The following PRTG variants were observed in gnomAD, a reference collection of about 807,000 sequenced individuals.
PRTG encodes immunoglobulin superfamily, DCC subclass, member 5.
A neutral mutation model predicts 122.5 loss-of-function variants in PRTG; 67 were observed. That is an observed-to-expected ratio of 0.55 (90% CI 0.45 to 0.67). The LOEUF (loss-of-function observed/expected upper bound fraction) is 0.67. Ranked by LOEUF, PRTG falls within the 30% of genes least tolerant of loss-of-function variation. The pLI, the probability that PRTG is intolerant of heterozygous loss-of-function variation, is 0.00. For synonymous variants in PRTG, 554 were observed against 501.1 expected, an observed-to-expected ratio of 1.11 and a Z score of -1.41; for missense variants, 1,435 against 1,415.4, an observed-to-expected ratio of 1.01 and a Z score of -0.22.
intron 2 of PRTG, among the ~76,000 whole-genome samples, chr15:55,735,057 G>A (rs1314047921): frequency 6.6e-6 from 1 of 152,100 alleles, no homozygotes; most frequent in African/African-American, 2.4e-5. Flanking sequence ...AGATTAAAAT[G>A]ATGATTTTTT....
intron 2 of PRTG, among the ~76,000 whole-genome samples, chr15:55,720,874 G>C (rs918570849): frequency 6.6e-6 from 1 of 152,122 alleles, no homozygotes; most frequent in Non-Finnish European, 1.5e-5. Flanking sequence ...AGGCTGTCCT[G>C]GGCTGCATGC....
chr15:55,713,901 A>T (rs2030495567), intron 2 of PRTG, among the ~76,000 whole-genome samples: 1 of 152,110 alleles, frequency 6.6e-6, no homozygotes, highest in African/African-American at 2.4e-5. Context: ...AAGTTTAAAA[A>T]TTTGTTTTAA....
chr15:55,740,243 G>T, intron 2 of PRTG, 139 bp downstream of exon 2: 1 of 712,970 alleles, frequency 1.4e-6, no homozygotes, highest in Non-Finnish European at 2.2e-6. Context: ...TTCTCTATAT[G>T]CCTCAGTTAG....
chr15:55,698,231 C>G (rs1270772268), intron 2 of PRTG, among the ~76,000 whole-genome samples: 1 of 152,200 alleles, frequency 6.6e-6, no homozygotes, highest in Non-Finnish European at 1.5e-5. Context: ...GCATCTAGAT[C>G]TCAGGCCAAG....
intron 2 of PRTG, among the ~76,000 whole-genome samples, chr15:55,723,381 C>T (rs2030900694): frequency 7.4e-6 from 1 of 134,750 alleles, no homozygotes; most frequent in Non-Finnish European, 1.6e-5. Flanking sequence ...TAAGGGAAGA[C>T]TATAATGATC....
intron 2 of PRTG, among the ~76,000 whole-genome samples, chr15:55,692,943 C>G (rs560892882): frequency 6.9e-6 from 1 of 145,052 alleles, no homozygotes; most frequent in Admixed American, 7.4e-5. Flanking sequence ...CGGGTTCAAG[C>G]AATTCTCCTG....
chr15:55,709,636 T>C (rs373359895), intron 2 of PRTG, among the ~76,000 whole-genome samples: 6 of 152,166 alleles, frequency 3.9e-5, no homozygotes, highest in Non-Finnish European at 7.3e-5. Context: ...ACAGCCCTAA[T>C]GTAAATTAAC....
chr15:55,641,306 T>G, intron 11 of PRTG, 98 bp from the exon 12 acceptor site: 1 of 758,714 alleles, frequency 1.3e-6, no homozygotes, highest in Non-Finnish European at 2.2e-6. Context: ...AAAAACCTGC[T>G]GAATGCATAA....
intron 11 of PRTG, among the ~76,000 whole-genome samples, chr15:55,667,891 G>A (rs2059447670): frequency 6.6e-6 from 1 of 152,122 alleles, no homozygotes; most frequent in Non-Finnish European, 1.5e-5. Flanking sequence ...TTCAAGACCA[G>A]CCTGGGCAAC....
In PRTG at chr15:55,677,968, T is replaced by G. The variant is rs756293136; in HGVS notation, c.1210A>C (p.Ile404Leu). Residue 404 changes from isoleucine to leucine, a missense_variant, in exon 8 of 20, where the codon ATT becomes CTT. Ile to Leu is a conservative substitution (Grantham distance 5, BLOSUM62 2). Coordinates refer to ENST00000389286, the MANE Select transcript of PRTG (RefSeq NM_173814.6). ...ACAGTCAGTCTGGCTCTAGATAAAATAGATCCTTGGCTATTCTCAGCCATG... is the reference window on the plus strand; with the variant it reads ...ACAGTCAGTCTGGCTCTAGATAAAAGAGATCCTTGGCTATTCTCAGCCATG... ...QCMAENSQGS[I>L]LSRARLTVVM... The G allele has an allele frequency of 6.2e-7, 1 of 1,612,900 alleles. No individual in the cohort carries two copies. The highest frequency in any genetic ancestry group is 1.7e-5 in the Admixed American group (1 of 59,984).
intron 2 of PRTG, among the ~76,000 whole-genome samples, chr15:55,733,233 G>A (rs1445937789): frequency 6.6e-6 from 1 of 151,944 alleles, no homozygotes; most frequent in African/African-American, 2.4e-5. Context: ...GAGGCCAGGC[G>A]TGGTGGCTCA....
In PRTG at chr15:55,672,520, T is replaced by C. The variant is rs1410900355; in HGVS notation, c.1966A>G (p.Lys656Glu). 2 of 1,614,114 alleles carry C rather than the reference T, an allele frequency of 1.2e-6. No individual in the cohort carries two copies. The highest frequency in any genetic ancestry group is 1.7e-6 in the Non-Finnish European group (2 of 1,179,990). The change falls in exon 11 of 20, where the codon AAG (lysine) becomes GAG (glutamate). Residue 656 changes from lysine to glutamate, a missense_variant. Lys to Glu is a moderately conservative substitution (Grantham distance 56). Transcript: ENST00000389286. ...AAIQGYKLYY[K>E]EEGQQENGPI... The stretch of plus-strand genomic sequence containing the variant: ...CCATTCTCCTGCTGCCCTTCTTCCT[T>C]GTAGTACAGCTTGTAGCCCTGAATA...
chr15:55,691,931 G>A (rs2059605053), intron 2 of PRTG, among the ~76,000 whole-genome samples: 1 of 151,988 alleles, frequency 6.6e-6, no homozygotes, highest in Non-Finnish European at 1.5e-5. Flanking sequence ...CAGCTACTCA[G>A]GCAGCTGAGG....
chr15:55,654,777 A>C (rs1483021734), intron 11 of PRTG, among the ~76,000 whole-genome samples: 2 of 152,204 alleles, frequency 1.3e-5, no homozygotes, highest in African/African-American at 4.8e-5. Flanking sequence ...GCTATGAAAT[A>C]AATTTCCTCC....
chr15:55,642,477 C>G (rs1396791714), intron 11 of PRTG, among the ~76,000 whole-genome samples: 1 of 151,418 alleles, frequency 6.6e-6, no homozygotes, highest in Non-Finnish European at 1.5e-5. Flanking sequence ...ATTAGCCGGA[C>G]GTGATGGCAC....
chr15:55,619,737 C>T lies in PRTG; in HGVS notation c.*275G>A, dbSNP rs1036264961. Reference sequence around the variant, plus strand: ...ATTACACAAGTTTAAAAATAAAAAACAAAACACATTCAAAAAAAGCTAAAA... The same window carrying T: ...ATTACACAAGTTTAAAAATAAAAAATAAAACACATTCAAAAAAAGCTAAAA... On this transcript the variant is annotated 3_prime_UTR_variant, in exon 20 of 20. Coordinates refer to ENST00000389286, the MANE Select transcript of PRTG (RefSeq NM_173814.6). The T allele has an allele frequency of 2.0e-5, 8 of 399,596 alleles. No individual in the cohort carries two copies. Among genetic ancestry groups the T allele is most frequent in the Non-Finnish European group, 3.5e-5 (8 of 228,274 alleles). 24.8% of individuals were successfully genotyped at this position (399,596 alleles called of 1,614,324 possible).
At chr15:55,644,574 G>A (rs1197592035) in intron 11 of PRTG, among the ~76,000 whole-genome samples, 1 of 152,084 alleles carries the variant, frequency 6.6e-6, no homozygotes, top group Non-Finnish European at 1.5e-5. Flanking sequence ...AGAGATCAGA[G>A]AACCGAGTTG....
intron 11 of PRTG, among the ~76,000 whole-genome samples, chr15:55,650,167 T>A (rs181275566): frequency 1.3e-5 from 2 of 152,314 alleles, no homozygotes; most frequent in Admixed American, 1.3e-4. Context: ...AGTTTTCTCA[T>A]CTGTACGATT....
chr15:55,647,606 A>G (rs1053145614), intron 11 of PRTG, among the ~76,000 whole-genome samples: 2 of 152,256 alleles, frequency 1.3e-5, no homozygotes, highest in African/African-American at 4.8e-5. Context: ...AAATGAAATC[A>G]TGCCTATGAA....
Sources: allele counts gnomAD v4.1 joint callset (sites outside exome capture counted in the v4.1 genomes callset), GRCh38; gene constraint gnomAD v4.1.1; transcripts MANE v1.5; gene names NCBI Gene and HGNC (gene_info 2026-07-23, HGNC 2026-07-21).